The following NUF2 variants were observed in gnomAD, a reference collection of about 807,000 sequenced individuals.
NUF2 encodes kinetochore protein Nuf2.
NUF2 carries 34 observed loss-of-function variants against 61.8 expected under a neutral mutation model. That is an observed-to-expected ratio of 0.55 (90% CI 0.42 to 0.73). The LOEUF is 0.73. Among genes scored for constraint, NUF2 ranks in the 30% least tolerant of loss-of-function variants. NUF2 has a pLI of 0.00. For missense variants in NUF2, 445 were observed against 539.1 expected (o/e 0.83, Z 1.73); for synonymous variants, 172 against 181.6 (o/e 0.95, Z 0.42).
chr1:163,353,670 A>G (rs1210018061), intron 13 of NUF2, among the ~76,000 whole-genome samples: 5 of 152,248 alleles, frequency 3.3e-5, no homozygotes, highest in Admixed American at 3.3e-4. Context: ...GGATTAATAT[A>G]GTAAAATTCC....
intron 4 of NUF2, 60 bp downstream of exon 4, chr1:163,328,364 T>C: frequency 9.5e-7 from 1 of 1,052,432 alleles, no homozygotes; most frequent in South Asian, 1.4e-5. Flanking sequence ...ACATTAAGTT[T>C]TCTTAATGAC....
At position 163,328,885 on chromosome 1, in the gene NUF2, G is replaced by C. The variant is rs371954652; in HGVS notation, c.315G>C (p.Glu105Asp). 1.9e-5 allele frequency: 31 copies of C among 1,604,436 alleles called. 1 individual carries two copies. Among genetic ancestry groups the C allele is most frequent in the Middle Eastern group, 1.6e-4 (1 of 6,068 alleles). Residue 105 changes from glutamate (E) to aspartate (D), a missense_variant, in exon 5 of 14, where the codon GAG (glutamate) becomes GAC (aspartate). By Grantham distance (45) the Glu-to-Asp change is conservative. Coordinates refer to ENST00000271452, the MANE Select transcript of NUF2 (RefSeq NM_145697.3). ...FLPICRVNDF[E>D]TADILCPKAK... ...CTATCTGCCGGGTGAATGACTTTGAGACTGCTGATATTCTATGTCCAAGTA... is the reference window on the plus strand; with the variant it reads ...CTATCTGCCGGGTGAATGACTTTGACACTGCTGATATTCTATGTCCAAGTA...
rs1650809226 is a variant in NUF2, at chr1:163,337,681, GT to G, written c.436-337del. Reference sequence around the variant, plus strand: ...TCTTCCCAGCCATTACCCAAGTTGGGTTAGATGTCACTCTTGTTGGTTCCCA... The same window carrying G: ...TCTTCCCAGCCATTACCCAAGTTGGGTAGATGTCACTCTTGTTGGTTCCCA... On this transcript the variant is annotated intron_variant, in intron 6 of 13. Transcript: ENST00000271452. Among the ~76,000 whole-genome samples, 5 of 152,124 alleles carry G rather than the reference GT, an allele frequency of 3.3e-5. No homozygotes were observed. In the South Asian group the frequency reaches 1.0e-3, roughly 32 times the overall value.
chr1:163,338,165 A>C, intron 7 of NUF2, 72 bp downstream of exon 7: 1 of 1,106,314 alleles, frequency 9.0e-7, no homozygotes, highest in Non-Finnish European at 1.4e-6. Flanking sequence ...AGTATTTTAC[A>C]ACCCTATATT....
chr1:163,330,029 TA>T lies in NUF2; in HGVS notation c.337+1123del, dbSNP rs1650545395. Among the ~76,000 whole-genome samples, 3 of 152,142 alleles carry T rather than the reference TA, an allele frequency of 2.0e-5. No individual in the cohort carries two copies. The South Asian group carries it at 6.2e-4, about 32-fold the overall frequency. On this transcript the variant is annotated intron_variant, in intron 5 of 13. Coordinates refer to ENST00000271452, the MANE Select transcript of NUF2 (RefSeq NM_145697.3). The stretch of plus-strand genomic sequence containing the variant: ...GAAAAGATCAGTGGAAACCACTGGT[TA>T]GGGGTGAGGGAGGGATGAATAGGAT...
intron 5 of NUF2, among the ~76,000 whole-genome samples, chr1:163,332,099 A>G (rs754942148): frequency 8.6e-5 from 13 of 151,690 alleles, no homozygotes; most frequent in African/African-American, 3.1e-4. Flanking sequence ...TTCTTTCCTA[A>G]TATAGGTATT....
Position 163,349,053 on chromosome 1 carries a change from T to C in NUF2, c.1233T>C (p.Ala411=). 6.2e-7 allele frequency: 1 copy of C among 1,609,996 alleles called. No homozygotes were observed. Among genetic ancestry groups the C allele is most frequent in the Non-Finnish European group, 8.5e-7 (1 of 1,179,046 alleles). Residue 411 remains alanine (A), a synonymous_variant, in exon 13 of 14, where the codon GCT becomes GCC. Transcript: ENST00000271452. ...TTGGAATTCAACAACTAAAAGATGC[T>C]GCTGAAAGGGAGAAACTGAAGTCCC... ...IKLGIQQLKD[A]AEREKLKSQE...
At position 163,328,887 on chromosome 1, in the gene NUF2, C is replaced by G. The variant is rs1034571886; in HGVS notation, c.317C>G (p.Thr106Ser). Residue 106 changes from threonine to serine, a missense_variant, in exon 5 of 14, where the codon ACT becomes AGT. Thr to Ser is a moderately conservative substitution (Grantham distance 58). Transcript: ENST00000271452. ...ATCTGCCGGGTGAATGACTTTGAGA[C>G]TGCTGATATTCTATGTCCAAGTAAG... Reference protein sequence around the residue: ...LPICRVNDFETADILCPKAKR... With the variant: ...LPICRVNDFESADILCPKAKR... The G allele has an allele frequency of 1.1e-5, 17 of 1,603,650 alleles. No individual in the cohort carries two copies. The Admixed American group carries it at 1.3e-4, about 13-fold the overall frequency.
intron 13 of NUF2, among the ~76,000 whole-genome samples, chr1:163,352,346 A>G (rs887764949): frequency 6.6e-6 from 1 of 152,208 alleles, no homozygotes; most frequent in African/African-American, 2.4e-5. Context: ...TTCTGCATCA[A>G]ATATGCCTTG....
chr1:163,325,625 T>C (rs972645634), intron 1 of NUF2, among the ~76,000 whole-genome samples: 4 of 152,198 alleles, frequency 2.6e-5, no homozygotes, highest in African/African-American at 9.6e-5. Context: ...ATATTACTGT[T>C]GTTTATATAT....
chr1:163,334,034 T>A (rs1320602434), intron 5 of NUF2, among the ~76,000 whole-genome samples: 2 of 152,192 alleles, frequency 1.3e-5, no homozygotes, highest in African/African-American at 4.8e-5. Flanking sequence ...GTGTACCCAT[T>A]ATTTATTTCC....
chr1:163,342,436 A>G lies in NUF2; in HGVS notation c.670-1297A>G, dbSNP rs138333384. Among the ~76,000 whole-genome samples, 765 of 152,342 alleles carry G rather than the reference A, an allele frequency of 5.0e-3. 7 individuals are homozygous for G. Among genetic ancestry groups the G allele is most frequent in the African/African-American group, 0.018 (740 of 41,596 alleles). ...ATAACCTCTAATCTTGTAGAGCATT[A>G]AAAGAGTAGATAATGTGGTGGTTTG... On this transcript the variant is annotated intron_variant, in intron 9 of 13. Coordinates refer to ENST00000271452, the MANE Select transcript of NUF2 (RefSeq NM_145697.3).
rs1226099547 is a variant in NUF2 at position 163,340,377 on chromosome 1, A to G, written c.620A>G (p.Glu207Gly). The part of the protein sequence containing the change: ...DFHQKTIVLQ[E>G]GNSQKKSNIS... Reference sequence around the variant, plus strand: ...TTTTTCCCTTAGATAGTGCTGCAAGAGGGAAATTCCCAAAAGAAGTCAAAT... The same window carrying G: ...TTTTTCCCTTAGATAGTGCTGCAAGGGGGAAATTCCCAAAAGAAGTCAAAT... Residue 207 changes from glutamate to glycine, a missense_variant, in exon 9 of 14, where the codon GAG becomes GGG. By Grantham distance (98) the Glu-to-Gly change is moderately conservative. Transcript: ENST00000271452. The G allele has an allele frequency of 1.2e-6, 2 of 1,611,400 alleles. No homozygotes were observed. The highest frequency in any genetic ancestry group is 3.4e-5 in the Admixed American group (2 of 59,634).
chr1:163,328,852 AT>A lies in NUF2; in HGVS notation c.287del (p.Leu96CysfsTer6). On this transcript the variant is annotated frameshift_variant, in exon 5 of 14. Transcript: ENST00000271452. LOFTEE classifies it high-confidence loss of function. ...TTTGTACTTCATCTTCAAGGGACTC[AT>A]TTTTGCCTATCTGCCGGGTGAATGA... ...FSNLVTHLDS[F>X]LPICRVNDFE... 1.9e-6 allele frequency: 3 copies of A among 1,602,374 alleles called. No individual in the cohort carries two copies. The highest frequency in any genetic ancestry group is 1.7e-6 in the Non-Finnish European group (2 of 1,170,024).
intron 1 of NUF2, 92 bp from the exon 2 acceptor site, chr1:163,325,940 A>G (rs1053883508): frequency 3.3e-6 from 3 of 907,350 alleles, no homozygotes; most frequent in African/African-American, 3.3e-5. Flanking sequence ...GAATAGTTCA[A>G]CTTTGGCTCA....
intron 13 of NUF2, among the ~76,000 whole-genome samples, chr1:163,351,033 G>C (rs1377693795): frequency 2.0e-5 from 3 of 151,840 alleles, no homozygotes; most frequent in Non-Finnish European, 4.4e-5. Flanking sequence ...TAATGATCAC[G>C]GTTTCTTTCA....
intron 3 of NUF2, 38 bp downstream of exon 3, chr1:163,327,600 TG>T: frequency 7.9e-7 from 1 of 1,258,326 alleles, no homozygotes. Context: ...GGGTTTTTTT[TG>T]TTTGTTTGTT....
rs758447491 is a variant in NUF2 at position 163,355,357 on chromosome 1, C to T, written c.1283C>T (p.Thr428Ile). 6.3e-7 allele frequency: 1 copy of T among 1,598,966 alleles called. No individual in the cohort carries two copies. The highest frequency in any genetic ancestry group is 1.3e-5 in the African/African-American group (1 of 74,340). Reference sequence around the variant, plus strand: ...TAGGAAATATTTCTAAACTTGAAAACTGCTTTGGAGAAATACCACGACGGT... The same window carrying T: ...TAGGAAATATTTCTAAACTTGAAAATTGCTTTGGAGAAATACCACGACGGT... ...KSQEIFLNLK[T>I]ALEKYHDGIE... Residue 428 changes from threonine (T) to isoleucine (I), a missense_variant, in exon 14 of 14, where the codon ACT becomes ATT. Coordinates refer to ENST00000271452, the MANE Select transcript of NUF2 (RefSeq NM_145697.3).
chr1:163,322,250 T>C (rs2292274), intron 1 of NUF2, 38 bp downstream of exon 1: 39,714 of 152,174 alleles, frequency 0.26, 5,306 homozygotes, highest in Middle Eastern at 0.4. Context: ...TATTTGATGT[T>C]AGTCCCAGAA....
Sources: gnomAD v4.1 joint callset for allele counts (sites outside exome capture counted in the v4.1 genomes callset) on GRCh38, gnomAD v4.1.1 for gene constraint, MANE v1.5 for transcripts, NCBI Gene and HGNC (gene_info 2026-07-23, HGNC 2026-07-21) for gene names.